ME1: variants seen among roughly 807,000 people sequenced by gnomAD.
ME1 encodes malic enzyme 1.
A neutral mutation model predicts 66.4 loss-of-function variants in ME1; 74 were observed. That is an observed-to-expected ratio of 1.11 (90% CI 0.92 to 1.35). The LOEUF (loss-of-function observed/expected upper bound fraction) is 1.35, where lower values mean the gene tolerates loss of function less well. Among genes scored for constraint, ME1 ranks in the 40% most tolerant of loss-of-function variants. The pLI is 0.00. For synonymous variants in ME1, 251 were observed against 235.6 expected (o/e 1.07, Z -0.60); for missense variants, 750 against 694.1 (o/e 1.08, Z -0.90).
At chr6:83,231,321 G>A (rs764950061) in intron 9 of ME1, among the ~76,000 whole-genome samples, 5 of 152,098 alleles carry the variant, frequency 3.3e-5, no homozygotes, top group Non-Finnish European at 5.9e-5. Context: ...CTAGTAAGAA[G>A]CATAAATTAC....
intron 11 of ME1, among the ~76,000 whole-genome samples, chr6:83,225,763 T>C (rs560598823): frequency 1.3e-5 from 2 of 150,392 alleles, no homozygotes; most frequent in South Asian, 4.2e-4. Context: ...TTACTTCATA[T>C]ATAAAGGTTT....
chr6:83,290,479 T>G (rs1471674352), intron 6 of ME1, among the ~76,000 whole-genome samples: 1 of 152,236 alleles, frequency 6.6e-6, no homozygotes, highest in East Asian at 1.9e-4. Flanking sequence ...TTGATTGCAC[T>G]GTGGTCTGAG....
chr6:83,314,234 C>T (rs1767983620), intron 6 of ME1, among the ~76,000 whole-genome samples: 1 of 152,086 alleles, frequency 6.6e-6, no homozygotes, highest in Non-Finnish European at 1.5e-5. Context: ...CAATCAAATG[C>T]TAACTTAAAA....
rs70987750 is a variant in ME1, at chr6:83,376,804, C to CAAAAAAAAAAAAAAAAAAAAAAA, written c.362+21562_362+21563insTTTTTTTTTTTTTTTTTTTTTTT. Among the ~76,000 whole-genome samples, 246 of 86,768 alleles carry CAAAAAAAAAAAAAAAAAAAAAAA rather than the reference C, an allele frequency of 2.8e-3. 7 individuals carry two copies. The highest frequency in any genetic ancestry group is 0.016 in the Middle Eastern group (2 of 122). 56.9% of individuals were successfully genotyped at this position (86,768 alleles called of 152,430 possible). Reference sequence around the variant, plus strand: ...GGCGACAGAACCAGACCCTGTCTCACAAAAAAAAAAAAAAAATTCAAAAAA... The same window carrying CAAAAAAAAAAAAAAAAAAAAAAA: ...GGCGACAGAACCAGACCCTGTCTCACAAAAAAAAAAAAAAAAAAAAAAAAAAAAAAAAAAAAAAATTCAAAAAA... On this transcript the variant is annotated intron_variant, in intron 3 of 13. Coordinates refer to ENST00000369705, the MANE Select transcript of ME1 (RefSeq NM_002395.6).
At chr6:83,400,915 C>G (rs1478030839) in intron 2 of ME1, among the ~76,000 whole-genome samples, 1 of 152,194 alleles carries the variant, frequency 6.6e-6, no homozygotes. Flanking sequence ...AACATGCCAG[C>G]TACAAAACGC....
intron 7 of ME1, among the ~76,000 whole-genome samples, chr6:83,249,111 T>A (rs1226003025): frequency 6.6e-6 from 1 of 152,180 alleles, no homozygotes; most frequent in African/African-American, 2.4e-5. Context: ...AAAGAAAGAT[T>A]TGACCAATTA....
At chr6:83,325,744 T>G (rs1448847642) in intron 5 of ME1, among the ~76,000 whole-genome samples, 1 of 152,084 alleles carries the variant, frequency 6.6e-6, no homozygotes, top group Non-Finnish European at 1.5e-5. Context: ...AAACCTTCCA[T>G]GCTCATGGAT....
intron 2 of ME1, among the ~76,000 whole-genome samples, chr6:83,406,946 C>G (rs1436577745): frequency 6.8e-6 from 1 of 147,642 alleles, no homozygotes; most frequent in Non-Finnish European, 1.5e-5. Context: ...CTCCCTCTAT[C>G]CATTTATATT....
chr6:83,406,638 A>T (rs1769950134), intron 2 of ME1, among the ~76,000 whole-genome samples: 1 of 152,182 alleles, frequency 6.6e-6, no homozygotes, highest in African/African-American at 2.4e-5. Flanking sequence ...ATCCATAGCA[A>T]ACATGGTGTA....
intron 6 of ME1, among the ~76,000 whole-genome samples, chr6:83,275,760 C>G (rs565935888): frequency 8.4e-6 from 1 of 118,802 alleles, no homozygotes; most frequent in African/African-American, 3.3e-5. Flanking sequence ...CCACGGCGCC[C>G]GGCCTTTTTT....
chr6:83,394,661 A>G lies in ME1; in HGVS notation c.362+3706T>C, dbSNP rs142062172. 9.4e-3 allele frequency among the ~76,000 whole-genome samples: 1,436 copies of G among 152,268 alleles called. 98 individuals carry two copies. Among genetic ancestry groups the G allele is most frequent in the Admixed American group, 0.085 (1,305 of 15,276 alleles). ...CTGAAATATTCCTTTTAAGGACAGT[A>G]CTTTCAGTAGGCTTTTGTGTTTGTG... On this transcript the variant is annotated intron_variant, in intron 3 of 13. Coordinates refer to ENST00000369705, the MANE Select transcript of ME1 (RefSeq NM_002395.6).
intron 2 of ME1, among the ~76,000 whole-genome samples, chr6:83,399,626 C>T (rs1027100426): frequency 1.3e-5 from 2 of 152,152 alleles, no homozygotes; most frequent in African/African-American, 4.8e-5. Flanking sequence ...CTTTTTCTTT[C>T]TAGAAGCATT....
At chr6:83,375,959 G>A (rs1369531200) in intron 3 of ME1, among the ~76,000 whole-genome samples, 4 of 151,708 alleles carry the variant, frequency 2.6e-5, no homozygotes, top group East Asian at 1.9e-4. Flanking sequence ...GCATACATAC[G>A]TACTTCCAAG....
At chr6:83,297,534 T>C (rs1200155415) in intron 6 of ME1, among the ~76,000 whole-genome samples, 3 of 152,012 alleles carry the variant, frequency 2.0e-5, no homozygotes, top group Non-Finnish European at 2.9e-5. Context: ...AATGGAACAG[T>C]GTAGAGAGTC....
intron 5 of ME1, among the ~76,000 whole-genome samples, chr6:83,320,226 C>G (rs894388949): frequency 6.6e-6 from 1 of 152,148 alleles, no homozygotes; most frequent in African/African-American, 2.4e-5. Flanking sequence ...TTTTAAGCCA[C>G]TGAGAGGGTG....
chr6:83,230,198 A>C (rs1790276764), intron 9 of ME1, among the ~76,000 whole-genome samples: 1 of 150,894 alleles, frequency 6.6e-6, no homozygotes, highest in Non-Finnish European at 1.5e-5. Context: ...TTTTTGAGAC[A>C]GAGTTTTTGC....
intron 5 of ME1, among the ~76,000 whole-genome samples, chr6:83,319,248 A>G (rs1383483925): frequency 4.6e-5 from 7 of 151,922 alleles, no homozygotes; most frequent in Non-Finnish European, 1.0e-4. Flanking sequence ...GCACATGTAT[A>G]TGTATGTAAC....
In ME1 at chr6:83,211,782, A is replaced by G; in HGVS notation, c.*142T>C. On this transcript the variant is annotated 3_prime_UTR_variant, in exon 14 of 14. Coordinates refer to ENST00000369705, the MANE Select transcript of ME1 (RefSeq NM_002395.6). ...GTGATGTTTATCCCAATTTATATCG[A>G]TATTCTTCTATCAATTTTTAGACTG... The G allele has an allele frequency of 1.9e-6, 1 of 539,616 alleles. No homozygotes were observed. The highest frequency in any genetic ancestry group is 3.0e-6 in the Non-Finnish European group (1 of 338,008). The allele number at this position is 539,616 out of a possible 1,614,324, so 33.4% of individuals were successfully genotyped here. A position where few individuals can be genotyped will look rare whatever the true frequency, so the allele number is the denominator to read the frequency against.
In ME1 at chr6:83,386,813, C is replaced by A. The variant is rs1769512134; in HGVS notation, c.362+11554G>T. Among the ~76,000 whole-genome samples, 2 of 150,280 alleles carry A rather than the reference C, an allele frequency of 1.3e-5. 1 individual carries two copies. ...ATTAGTGCCCTTTATAAAAGGGACC[C>A]CAGAGAGCTCTCTGCTTTCTGCAAC... On this transcript the variant is annotated intron_variant, in intron 3 of 13. Coordinates refer to ENST00000369705, the MANE Select transcript of ME1 (RefSeq NM_002395.6).
Sources: allele counts gnomAD v4.1 joint callset (sites outside exome capture counted in the v4.1 genomes callset), GRCh38; gene constraint gnomAD v4.1.1; transcripts MANE v1.5; gene names NCBI Gene and HGNC (gene_info 2026-07-23, HGNC 2026-07-21).